Variants in NUP188 observed in about 807,000 individuals in gnomAD.
NUP188 encodes the protein nucleoporin 188.
A neutral mutation model predicts 223.0 loss-of-function variants in NUP188; 97 were observed. The observed-to-expected ratio is 0.43, with a 90% confidence interval of 0.37 to 0.51. The LOEUF is 0.51. Ranked by LOEUF, NUP188 falls within the 20% of genes least tolerant of loss-of-function variation. The pLI, the probability that NUP188 is intolerant of heterozygous loss-of-function variation, is 0.00. For missense variants in NUP188, 1,947 were observed against 2,175.6 expected (o/e 0.89, Z 2.09); for synonymous variants, 869 against 828.0 (o/e 1.05, Z -0.85).
intron 12 of NUP188, among the ~76,000 whole-genome samples, chr9:128,977,702 G>A (rs1435373487): frequency 1.3e-5 from 2 of 152,044 alleles, no homozygotes; most frequent in African/African-American, 4.8e-5. Context: ...GGGATGCTGA[G>A]GCAGGAGAAT....
Position 128,958,905 on chromosome 9 carries a change from T to G in NUP188, c.465+11T>G, listed in dbSNP as rs1841906781. ...AGACACCCCTATAGGGTAAGCTTGT[T>G]TAGTCCTCTTGCTTCTCTTTATACT... On this transcript the variant is annotated intron_variant, in intron 7 of 43. Transcript: ENST00000372577. The G allele has an allele frequency of 6.5e-7, 1 of 1,543,074 alleles. No individual in the cohort carries two copies. The highest frequency in any genetic ancestry group is 1.4e-5 in the African/African-American group (1 of 73,108).
At chr9:128,959,192 G>T in intron 8 of NUP188, 58 bp downstream of exon 8, 1 of 1,403,198 alleles carries the variant, frequency 7.1e-7, no homozygotes, top group Non-Finnish European at 9.6e-7. Flanking sequence ...GTTTCCCTCT[G>T]TCACCCAGGC....
intron 27 of NUP188, among the ~76,000 whole-genome samples, chr9:128,993,972 T>A (rs1168109987): frequency 6.6e-6 from 1 of 152,208 alleles, no homozygotes; most frequent in Non-Finnish European, 1.5e-5. Context: ...AACAGTAGAT[T>A]CAGGAGAGAG....
chr9:128,999,361 C>T, intron 33 of NUP188, 44 bp downstream of exon 33: 1 of 1,600,896 alleles, frequency 6.2e-7, no homozygotes, highest in Non-Finnish European at 8.5e-7. Context: ...AGTCTGCCCA[C>T]TCCTGCTGAC....
chr9:128,994,639 C>T (rs553359930), intron 28 of NUP188, among the ~76,000 whole-genome samples, 197 bp downstream of exon 28: 4 of 152,316 alleles, frequency 2.6e-5, no homozygotes, highest in Admixed American at 6.5e-5. Context: ...AAGTGGTTTG[C>T]GCTACTGTGT....
At chr9:128,973,284 G>A in intron 12 of NUP188, 35 bp downstream of exon 12, 3 of 1,461,856 alleles carry the variant, frequency 2.1e-6, no homozygotes, top group Non-Finnish European at 2.9e-6. Flanking sequence ...TGTCTCTACT[G>A]CCCAGCTTTG....
chr9:128,965,375 T>C (rs969405025), intron 8 of NUP188, among the ~76,000 whole-genome samples: 8 of 152,206 alleles, frequency 5.3e-5, no homozygotes, highest in African/African-American at 1.9e-4. Context: ...TTTCTTATGC[T>C]TTTACTCTCT....
chr9:128,972,524 G>A (rs1842117722), intron 11 of NUP188, among the ~76,000 whole-genome samples: 2 of 152,170 alleles, frequency 1.3e-5, no homozygotes, highest in African/African-American at 4.8e-5. Flanking sequence ...TACTACAATG[G>A]TGGATACATG....
At position 129,005,364 on chromosome 9, in the gene NUP188, C is replaced by T; in HGVS notation, c.4571C>T (p.Ala1524Val). 1 of 1,613,680 alleles carries T rather than the reference C, an allele frequency of 6.2e-7. No homozygotes were observed. Among genetic ancestry groups the T allele is most frequent in the Non-Finnish European group, 8.5e-7 (1 of 1,180,036 alleles). ...CAGCGAGTCCAGAGGCCACCGTCTG[C>T]TGCTTCTGCTGCCCCCTCCTCCTCA... is the stretch of plus-strand genomic sequence containing the variant. ...VAQRVQRPPSAASAAPSSSKQ... is the reference protein window; with the variant it reads ...VAQRVQRPPSVASAAPSSSKQ... Residue 1524 changes from alanine (A) to valine (V), a missense_variant, in exon 40 of 44, where the codon GCT becomes GTT. This residue lies in a region of NUP188 where 905 missense variants were observed against 990.6 expected (regional missense o/e 0.91). Transcript: ENST00000372577.
rs17452456 is a variant in NUP188, at chr9:128,987,297, G to T, written c.2265-292G>T. 2.4e-3 allele frequency among the ~76,000 whole-genome samples: 369 copies of T among 152,012 alleles called. 7 individuals are homozygous for T. In the East Asian group the frequency reaches 0.042, roughly 17 times the overall value. On this transcript the variant is annotated intron_variant, in intron 22 of 43. Transcript: ENST00000372577. Reference sequence around the variant, plus strand: ...ACTGTAACTTTCTTTCCATGCTACTGCTTATAGATGTCTTATTTTAATGGT... The same window carrying T: ...ACTGTAACTTTCTTTCCATGCTACTTCTTATAGATGTCTTATTTTAATGGT...
At chr9:128,963,856 G>A (rs1011431020) in intron 8 of NUP188, among the ~76,000 whole-genome samples, 24 of 150,526 alleles carry the variant, frequency 1.6e-4, no homozygotes, top group African/African-American at 4.6e-4. Flanking sequence ...TCACACTGTC[G>A]CCCAGGGTGG....
intron 12 of NUP188, 113 bp from the exon 13 acceptor site, chr9:128,979,149 C>G (rs1273959066): frequency 7.3e-6 from 5 of 686,022 alleles, no homozygotes; most frequent in Non-Finnish European, 1.3e-5. Context: ...AGTGGTCTTC[C>G]CACTTTAGTG....
intron 8 of NUP188, among the ~76,000 whole-genome samples, chr9:128,963,282 A>ATTTT (rs1177267491): frequency 1.4e-5 from 2 of 138,780 alleles, no homozygotes; most frequent in Non-Finnish European, 3.1e-5. Context: ...GTAAATGTAA[A>ATTTT]TTTTTTTTTT....
chr9:128,968,169 G>A (rs1480564627), intron 8 of NUP188, among the ~76,000 whole-genome samples: 3 of 152,076 alleles, frequency 2.0e-5, no homozygotes, highest in African/African-American at 7.2e-5. Flanking sequence ...GAGAGGCTCA[G>A]GTGAGAGGGC....
Position 128,994,462 on chromosome 9 carries a change from AG to A in NUP188, c.3087+22del, listed in dbSNP as rs770932621. The A allele has an allele frequency of 6.3e-6, 10 of 1,580,566 alleles. No homozygotes were observed. Among genetic ancestry groups the A allele is most frequent in the Non-Finnish European group, 8.7e-6 (10 of 1,150,118 alleles). On this transcript the variant is annotated intron_variant, in intron 28 of 43. Coordinates refer to ENST00000372577, the MANE Select transcript of NUP188 (RefSeq NM_015354.3). ...TCAGAGGTAAGCTGTGGCAGAGGGC[AG>A]GATGGTGGCTACAAGTCCCTTGGAG...
chr9:128,949,139 G>A, intron 1 of NUP188, 50 bp from the exon 2 acceptor site: 1 of 1,401,942 alleles, frequency 7.1e-7, no homozygotes, highest in Non-Finnish European at 1.0e-6. Flanking sequence ...CAGTGTACAA[G>A]TTTGTATGAT....
chr9:129,006,236 C>A lies in NUP188; in HGVS notation c.4944-3C>A. On this transcript the variant is annotated splice_region_variant and splice_polypyrimidine_tract_variant and intron_variant, in intron 42 of 43. Coordinates refer to ENST00000372577, the MANE Select transcript of NUP188 (RefSeq NM_015354.3). ...AGTACCAAAAACCTGTGTCTCCTCC[C>A]AGGTCCCTCCTGATGTTTACCATGG... The A allele has an allele frequency of 6.2e-7, 1 of 1,614,180 alleles. No homozygotes were observed. Among genetic ancestry groups the A allele is most frequent in the Admixed American group, 1.7e-5 (1 of 60,022 alleles).
intron 25 of NUP188, among the ~76,000 whole-genome samples, chr9:128,991,910 T>TC (rs1842440207): frequency 6.8e-6 from 1 of 146,272 alleles, no homozygotes; most frequent in Non-Finnish European, 1.5e-5. Context: ...TTTCTTTCTT[T>TC]TTTTTTTTTT....
intron 30 of NUP188, among the ~76,000 whole-genome samples, chr9:128,997,321 G>C (rs759739243): frequency 5.8e-4 from 88 of 152,150 alleles, no homozygotes; most frequent in Non-Finnish European, 4.6e-4. Context: ...AGATCCTGTG[G>C]GGTCTTTGGA....
Sources: gnomAD v4.1 joint callset for allele counts (sites outside exome capture counted in the v4.1 genomes callset) on GRCh38, gnomAD v4.1.1 for gene constraint, gnomAD v4.1.1 regional missense constraint, MANE v1.5 for transcripts, NCBI Gene and HGNC (gene_info 2026-07-23, HGNC 2026-07-21) for gene names.